Variants in CNTLN observed in about 807,000 individuals in gnomAD.
The protein encoded by CNTLN is centlein.
In CNTLN, 212 loss-of-function variants were observed where a neutral mutation model predicts 180.0. The ratio of observed to expected loss-of-function variants is 1.18; its 90% CI spans 1.05 to 1.32. The LOEUF is 1.32. Ranked by LOEUF, CNTLN falls within the 40% of genes most tolerant of loss-of-function variation. The pLI is 0.00. For synonymous variants in CNTLN, 722 were observed against 563.1 expected, an observed-to-expected ratio of 1.28 and a Z score of -3.99; for missense variants, 2,095 against 1,610.9, an observed-to-expected ratio of 1.30 and a Z score of -5.14.
rs1252531722 is a variant in CNTLN at position 17,216,686 on chromosome 9, G to A, written c.450-9517G>A. ...TTTGATAGGGAGACTATTTCTGTAA[G>A]TTTATGTTATATTCTCTCACTACTG... On this transcript the variant is annotated intron_variant, in intron 2 of 25. Transcript: ENST00000380647. 2.0e-5 allele frequency among the ~76,000 whole-genome samples: 3 copies of A among 152,284 alleles called. No homozygotes were observed. The East Asian group carries it at 5.8e-4, about 29-fold the overall frequency.
intron 5 of CNTLN, among the ~76,000 whole-genome samples, chr9:17,265,876 G>C (rs1407210907): frequency 6.6e-5 from 10 of 152,026 alleles, no homozygotes; most frequent in Admixed American, 2.0e-4. Flanking sequence ...TGTGGGATCG[G>C]TGGTGATATC....
At chr9:17,407,843 A>G (rs958363435) in intron 15 of CNTLN, among the ~76,000 whole-genome samples, 9 of 152,016 alleles carry the variant, frequency 5.9e-5, no homozygotes, top group Admixed American at 5.2e-4. Flanking sequence ...CTGACCAGGG[A>G]GGCTGGGCGT....
chr9:17,490,671 G>A (rs1431365770), intron 25 of CNTLN, among the ~76,000 whole-genome samples: 4 of 152,062 alleles, frequency 2.6e-5, no homozygotes, highest in Admixed American at 1.3e-4. Context: ...ACAATTTTGC[G>A]AATGTACTAA....
At chr9:17,521,054 G>A in the CNTLN span, among the ~76,000 whole-genome samples, 1 of 152,100 alleles carries the variant, frequency 6.6e-6, no homozygotes, top group East Asian at 1.9e-4. Context: ...GAATAAATGA[G>A]CATTTAAACT....
intron 2 of CNTLN, among the ~76,000 whole-genome samples, chr9:17,221,773 C>G (rs976404217): frequency 3.3e-5 from 5 of 151,996 alleles, no homozygotes; most frequent in African/African-American, 1.2e-4. Flanking sequence ...TCTCTTTTCT[C>G]AACTTCCAAC....
chr9:17,257,439 G>C, intron 5 of CNTLN, among the ~76,000 whole-genome samples: 1 of 152,002 alleles, frequency 6.6e-6, no homozygotes, highest in African/African-American at 2.4e-5. Flanking sequence ...GTAAACATAG[G>C]TGTGCATGTG....
chr9:17,525,074 T>C, the CNTLN span, among the ~76,000 whole-genome samples: 313 of 152,342 alleles, frequency 2.1e-3, 2 homozygotes, highest in African/African-American at 7.1e-3. Flanking sequence ...GACATTTTAC[T>C]AATTTGTTTC....
At chr9:17,169,388 G>A (rs1820285795) in intron 2 of CNTLN, among the ~76,000 whole-genome samples, 1 of 152,080 alleles carries the variant, frequency 6.6e-6, no homozygotes, top group African/African-American at 2.4e-5. Context: ...GATATCCTTG[G>A]TACATTCCTT....
chr9:17,196,465 A>C (rs1327935362), intron 2 of CNTLN, among the ~76,000 whole-genome samples: 1 of 152,140 alleles, frequency 6.6e-6, no homozygotes, highest in Non-Finnish European at 1.5e-5. Context: ...AAGCTTCTCT[A>C]GTAGTAGGTA....
Position 17,416,018 on chromosome 9 carries a change from T to C in CNTLN, c.2943T>C (p.Ile981=). 2 of 1,613,110 alleles carry C rather than the reference T, an allele frequency of 1.2e-6. No homozygotes were observed. Among genetic ancestry groups the C allele is most frequent in the Non-Finnish European group, 1.7e-6 (2 of 1,179,646 alleles). The change falls in exon 18 of 26, where the codon ATT becomes ATC. Residue 981 remains isoleucine, a synonymous_variant. Coordinates refer to ENST00000380647, the MANE Select transcript of CNTLN (RefSeq NM_017738.4). ...CTGCCCAGAAATCAAGTAGCAATAT[T>C]ATTTTATTACGAGAACGGATTATAT... The part of the protein sequence containing the change: ...NITAQKSSSN[I]ILLRERIISL...
At chr9:17,292,738 T>G (rs1441851836) in intron 6 of CNTLN, among the ~76,000 whole-genome samples, 1 of 152,198 alleles carries the variant, frequency 6.6e-6, no homozygotes, top group Non-Finnish European at 1.5e-5. Context: ...TTGTATTGGG[T>G]TAGAACATGT....
chr9:17,409,231 A>G (rs1454265138), intron 15 of CNTLN, 62 bp from the exon 16 acceptor site: 1 of 1,476,298 alleles, frequency 6.8e-7, no homozygotes, highest in Non-Finnish European at 9.3e-7. Context: ...TCTTGAACTT[A>G]AGACAAGTAC....
intron 2 of CNTLN, among the ~76,000 whole-genome samples, chr9:17,201,319 G>A (rs982947249): frequency 6.6e-6 from 1 of 152,172 alleles, no homozygotes; most frequent in Admixed American, 6.6e-5. Context: ...TCTCTGCCAG[G>A]TTTTGGTATC....
intron 2 of CNTLN, among the ~76,000 whole-genome samples, chr9:17,152,395 T>G (rs1299709596): frequency 1.3e-5 from 2 of 152,196 alleles, no homozygotes; most frequent in Non-Finnish European, 2.9e-5. Flanking sequence ...ATATCTTTAT[T>G]TCTGCCTTCA....
chr9:17,277,050 T>C (rs1485818956), intron 6 of CNTLN, among the ~76,000 whole-genome samples: 1 of 136,678 alleles, frequency 7.3e-6, no homozygotes, highest in Non-Finnish European at 1.6e-5. Context: ...TAACCAAAAC[T>C]TTTACCTGAT....
chr9:17,155,769 C>A (rs576792907), intron 2 of CNTLN, among the ~76,000 whole-genome samples: 1 of 151,412 alleles, frequency 6.6e-6, no homozygotes, highest in African/African-American at 2.4e-5. Flanking sequence ...GTGTTCTGGG[C>A]GCCAGTAGGG....
At chr9:17,148,765 T>G (rs1462897657) in intron 2 of CNTLN, among the ~76,000 whole-genome samples, 1 of 152,230 alleles carries the variant, frequency 6.6e-6, no homozygotes, top group African/African-American at 2.4e-5. Flanking sequence ...TCAAATTTTT[T>G]GCCACTTTGT....
intron 7 of CNTLN, 164 bp downstream of exon 7, chr9:17,298,516 A>G: frequency 7.6e-7 from 1 of 1,313,916 alleles, no homozygotes; most frequent in East Asian, 3.0e-5. Context: ...ATAACATTTA[A>G]AATTTTTTGA....
chr9:17,403,185 G>A (rs1228228911), intron 15 of CNTLN, among the ~76,000 whole-genome samples: 1 of 151,686 alleles, frequency 6.6e-6, no homozygotes, highest in South Asian at 2.1e-4. Flanking sequence ...TACACACAAA[G>A]CCCATTCTGT....
Sources: gnomAD v4.1 joint callset for allele counts (sites outside exome capture counted in the v4.1 genomes callset) on GRCh38, gnomAD v4.1.1 for gene constraint, MANE v1.5 for transcripts, NCBI Gene and HGNC (gene_info 2026-07-23, HGNC 2026-07-21) for gene names.